Variants in CDKN3 observed in about 807,000 individuals in gnomAD.
CDKN3 encodes the protein cyclin dependent kinase inhibitor 3.
A neutral mutation model predicts 36.1 loss-of-function variants in CDKN3; 19 were observed. That is an observed-to-expected ratio of 0.53 (90% CI 0.37 to 0.77). The LOEUF (loss-of-function observed/expected upper bound fraction) is 0.77, where lower values mean the gene tolerates loss of function less well. Among genes scored for constraint, CDKN3 ranks in the 30% least tolerant of loss-of-function variants. CDKN3 has a pLI of 0.00. For synonymous variants in CDKN3, 71 were observed against 85.3 expected, an observed-to-expected ratio of 0.83 and a Z score of 0.92; for missense variants, 188 against 248.6, an observed-to-expected ratio of 0.76 and a Z score of 1.64.
intron 5 of CDKN3, among the ~76,000 whole-genome samples, chr14:54,412,422 G>A (rs1005355102): frequency 2.0e-4 from 30 of 151,618 alleles, no homozygotes; most frequent in African/African-American, 6.5e-4. Context: ...TTCAAAATTA[G>A]CTACCAAAAA....
intron 4 of CDKN3, 85 bp from the exon 5 acceptor site, chr14:54,411,399 T>C: frequency 9.4e-7 from 1 of 1,063,448 alleles, no homozygotes; most frequent in East Asian, 2.5e-5. Context: ...TTAAGAAATT[T>C]AATTTCATAT....
At position 54,417,876 on chromosome 14, in the gene CDKN3, T is replaced by G. The variant is rs776519440; in HGVS notation, c.477T>G (p.Ser159=). The change falls in exon 7 of 8, where the codon TCT becomes TCG. Residue 159 remains serine (S), a synonymous_variant. Coordinates refer to ENST00000335183, the MANE Select transcript of CDKN3 (RefSeq NM_005192.4). ...LVAACLLLYL[S]DTISPEQAID... is the part of the protein sequence containing the mutation. ...CTGCTTGTCTCCTACTATACCTGTC[T>G]GACACAATATCACCAGAGCAAGCCA... 6.3e-7 allele frequency: 1 copy of G among 1,596,934 alleles called. No homozygotes were observed. The highest frequency in any genetic ancestry group is 1.1e-5 in the South Asian group (1 of 88,394).
intron 7 of CDKN3, chr14:54,418,526 T>C (rs1260018892): frequency 7.2e-6 from 3 of 415,862 alleles, no homozygotes; most frequent in Non-Finnish European, 1.3e-5. Flanking sequence ...GCATTAATCA[T>C]GTTACTGAAA....
At chr14:54,418,345 T>C in intron 7 of CDKN3, 1 of 685,590 alleles carries the variant, frequency 1.5e-6, no homozygotes, top group Admixed American at 2.2e-5. Flanking sequence ...AAAAAATCTA[T>C]GGAAGATCTT....
In CDKN3 at chr14:54,408,641, G is replaced by A. The variant is rs2030245338; in HGVS notation, c.149-104G>A. 5.1e-6 allele frequency: 6 copies of A among 1,168,094 alleles called. No individual in the cohort carries two copies. In the Admixed American group the frequency reaches 1.3e-4, roughly 25 times the overall value. 72.4% of individuals were successfully genotyped at this position (1,168,094 alleles called of 1,614,324 possible). On this transcript the variant is annotated intron_variant, in intron 3 of 7. Transcript: ENST00000335183. ...CAAAATATAATTGAAACATATAAAT[G>A]ATTACGTGAAATGACTTTATAAAGT...
intron 6 of CDKN3, among the ~76,000 whole-genome samples, chr14:54,416,293 A>T (rs4251653): frequency 0.03 from 4,543 of 152,296 alleles, 180 homozygotes; most frequent in East Asian, 0.072. Flanking sequence ...ATGTTAATTT[A>T]AAAAATGTTT....
Position 54,397,050 on chromosome 14 carries a change from C to G in CDKN3, c.-19C>G, listed in dbSNP as rs1256175640. The G allele has an allele frequency of 2.0e-6, 3 of 1,497,942 alleles. No homozygotes were observed. The highest frequency in any genetic ancestry group is 1.3e-5 in the South Asian group (1 of 78,630). 92.8% of individuals were successfully genotyped at this position (1,497,942 alleles called of 1,614,324 possible). Reference sequence around the variant, plus strand: ...CTGCAGAGGGAGGCGGCACTGGTCTCGACGTGGGGCGGCCAGCGATGAAGC... The same window carrying G: ...CTGCAGAGGGAGGCGGCACTGGTCTGGACGTGGGGCGGCCAGCGATGAAGC... On this transcript the variant is annotated 5_prime_UTR_variant, in exon 1 of 8. Coordinates refer to ENST00000335183, the MANE Select transcript of CDKN3 (RefSeq NM_005192.4).
rs1030296737 is a variant in CDKN3 at position 54,417,914 on chromosome 14, G to A, written c.515G>A (p.Arg172Gln). ...CCAGAGCAAGCCATAGACAGCCTGC[G>A]AGACCTAAGAGGATCCGGGGCAATA... Reference protein sequence around the residue: ...ISPEQAIDSLRDLRGSGAIQT... With the variant: ...ISPEQAIDSLQDLRGSGAIQT... The change falls in exon 7 of 8, where the codon CGA (arginine) becomes CAA (glutamine). Residue 172 changes from arginine (R) to glutamine (Q), a missense_variant. Transcript: ENST00000335183. 1.2e-5 allele frequency: 19 copies of A among 1,595,518 alleles called. No homozygotes were observed. Among genetic ancestry groups the A allele is most frequent in the Admixed American group, 1.7e-5 (1 of 57,234 alleles).
intron 3 of CDKN3, among the ~76,000 whole-genome samples, chr14:54,407,457 C>CT (rs2030199898): frequency 6.6e-6 from 1 of 152,198 alleles, no homozygotes; most frequent in African/African-American, 2.4e-5. Context: ...CCATCCCTTC[C>CT]GCCAGGTGCT....
intron 3 of CDKN3, among the ~76,000 whole-genome samples, chr14:54,402,640 A>G (rs1310918438): frequency 6.6e-6 from 1 of 152,156 alleles, no homozygotes; most frequent in Non-Finnish European, 1.5e-5. Context: ...TATGTCCTGA[A>G]TGGTATTGCC....
At chr14:54,413,997 G>GT (rs2030447304) in intron 5 of CDKN3, 1 of 243,048 alleles carries the variant, frequency 4.1e-6, no homozygotes, top group Admixed American at 5.6e-5. Flanking sequence ...CTAGCTTCTG[G>GT]TGGTGGCCAT....
At chr14:54,417,973 G>C in intron 7 of CDKN3, 22 bp downstream of exon 7, 2 of 1,390,984 alleles carry the variant, frequency 1.4e-6, no homozygotes, top group Non-Finnish European at 2.0e-6. Context: ...GGCGGTGCTT[G>C]CTTGGTTGTG....
At chr14:54,418,291 T>TGTTAATAC (rs2030616479) in intron 7 of CDKN3, 1 of 701,756 alleles carries the variant, frequency 1.4e-6, no homozygotes, top group East Asian at 2.7e-5. Context: ...AGATGGTTAT[T>TGTTAATAC]GTTAATACAA....
intron 5 of CDKN3, chr14:54,413,942 G>T: frequency 5.0e-6 from 3 of 600,850 alleles, no homozygotes; most frequent in Non-Finnish European, 7.2e-6. Context: ...GATGAGAGCA[G>T]AGCCATGCCC....
At chr14:54,413,819 A>G in intron 5 of CDKN3, 2 of 1,412,372 alleles carry the variant, frequency 1.4e-6, no homozygotes, top group Admixed American at 6.1e-5. Context: ...CTGCTTGCCT[A>G]CTGTATTTTG....
At chr14:54,402,309 C>CGTGCGTGT (rs1555361560) in intron 3 of CDKN3, among the ~76,000 whole-genome samples, 1 of 147,728 alleles carries the variant, frequency 6.8e-6, no homozygotes, top group Non-Finnish European at 1.5e-5. Context: ...CATGTGTGTG[C>CGTGCGTGT]GTGTGTGTGT....
chr14:54,400,461 C>T (rs891886611), intron 2 of CDKN3, among the ~76,000 whole-genome samples: 4 of 152,134 alleles, frequency 2.6e-5, no homozygotes, highest in African/African-American at 9.7e-5. Flanking sequence ...ATGCATCTAT[C>T]AACAGACTCT....
rs113342693 is a variant in CDKN3, at chr14:54,398,987, C to CTTTTTTTT, written c.10-896_10-889dup. Among the ~76,000 whole-genome samples, 844 of 109,222 alleles carry CTTTTTTTT rather than the reference C, an allele frequency of 7.7e-3. 14 individuals carry two copies. Among genetic ancestry groups the CTTTTTTTT allele is most frequent in the African/African-American group, 0.016 (457 of 28,918 alleles). 71.7% of individuals were successfully genotyped at this position (109,222 alleles called of 152,430 possible). ...TTCTTTCCTTTCTTTTTTCTTCTTC[C>CTTTTTTTT]TTTTTTTTTTTTTTTTTTGGCAGAG... is the stretch of plus-strand genomic sequence containing the variant. On this transcript the variant is annotated intron_variant, in intron 1 of 7. Transcript: ENST00000335183.
chr14:54,398,987 C>CTTTTTTTTTTT lies in CDKN3; in HGVS notation c.10-899_10-889dup, dbSNP rs113342693. On this transcript the variant is annotated intron_variant, in intron 1 of 7. Coordinates refer to ENST00000335183, the MANE Select transcript of CDKN3 (RefSeq NM_005192.4). Reference sequence around the variant, plus strand: ...TTCTTTCCTTTCTTTTTTCTTCTTCCTTTTTTTTTTTTTTTTTTGGCAGAG... The same window carrying CTTTTTTTTTTT: ...TTCTTTCCTTTCTTTTTTCTTCTTCCTTTTTTTTTTTTTTTTTTTTTTTTTTTTTGGCAGAG... 3.0e-4 allele frequency among the ~76,000 whole-genome samples: 33 copies of CTTTTTTTTTTT among 109,256 alleles called. 1 individual carries two copies. The highest frequency in any genetic ancestry group is 3.5e-4 in the Non-Finnish European group (20 of 56,788). 71.7% of individuals were successfully genotyped at this position (109,256 alleles called of 152,430 possible).
Sources: allele counts gnomAD v4.1 joint callset (sites outside exome capture counted in the v4.1 genomes callset), GRCh38; gene constraint gnomAD v4.1.1; transcripts MANE v1.5; gene names NCBI Gene and HGNC (gene_info 2026-07-23, HGNC 2026-07-21).